Variants in ARNT2 observed in about 807,000 individuals in gnomAD.
The protein encoded by ARNT2 is ARNT protein 2.
In ARNT2, 36 loss-of-function variants were observed where a neutral mutation model predicts 91.7. The ratio of observed to expected loss-of-function variants is 0.39; its 90% CI spans 0.30 to 0.52. The LOEUF (loss-of-function observed/expected upper bound fraction) is 0.52. Among genes scored for constraint, ARNT2 ranks in the 20% least tolerant of loss-of-function variants. ARNT2 has a pLI of 0.72. For synonymous variants in ARNT2, 365 were observed against 347.1 expected (o/e 1.05, Z -0.57); for missense variants, 775 against 939.3 (o/e 0.83, Z 2.29).
chr15:80,408,690 T>C (rs1015491069), intron 1 of ARNT2, among the ~76,000 whole-genome samples: 1 of 152,160 alleles, frequency 6.6e-6, no homozygotes, highest in African/African-American at 2.4e-5. Context: ...TTGAGCCCAA[T>C]TTCTCTATAT....
chr15:80,571,472 G>A (rs1898582449), intron 12 of ARNT2, among the ~76,000 whole-genome samples: 1 of 152,230 alleles, frequency 6.6e-6, no homozygotes, highest in South Asian at 2.1e-4. Flanking sequence ...ACCACACACA[G>A]TTGGTGCACC....
chr15:80,562,047 A>G (rs1460291254), intron 11 of ARNT2, among the ~76,000 whole-genome samples: 1 of 150,966 alleles, frequency 6.6e-6, no homozygotes, highest in Non-Finnish European at 1.5e-5. Context: ...ATAAGGGGGC[A>G]CTGCTATATA....
At chr15:80,574,592 G>C (rs1268133621) in intron 13 of ARNT2, among the ~76,000 whole-genome samples, 3 of 152,168 alleles carry the variant, frequency 2.0e-5, no homozygotes, top group Admixed American at 6.5e-5. Context: ...CCTGTGTCCT[G>C]TTCTTCCTCA....
chr15:80,572,488 C>G lies in ARNT2; in HGVS notation c.1317-1660C>G, dbSNP rs140955094. The stretch of plus-strand genomic sequence containing the variant: ...ATCCTAGATAACAAAGGCTTCCTCT[C>G]CCACCCTCCCCTCTCTTCCTACCCA... On this transcript the variant is annotated intron_variant, in intron 12 of 18. Coordinates refer to ENST00000303329, the MANE Select transcript of ARNT2 (RefSeq NM_014862.4). Among the ~76,000 whole-genome samples the G allele has an allele frequency of 2.9e-3, 441 of 151,790 alleles. 3 individuals are homozygous for G. The highest frequency in any genetic ancestry group is 0.01 in the African/African-American group (422 of 41,354).
chr15:80,571,252 G>C (rs942350766), intron 12 of ARNT2, among the ~76,000 whole-genome samples: 1 of 152,226 alleles, frequency 6.6e-6, no homozygotes, highest in African/African-American at 2.4e-5. Context: ...AGACTGACCA[G>C]TTGCCTGTCA....
intron 12 of ARNT2, 119 bp from the exon 13 acceptor site, chr15:80,574,029 A>G (rs1278996806): frequency 4.0e-6 from 3 of 755,528 alleles, no homozygotes; most frequent in Admixed American, 2.1e-5. Context: ...ATGGAAAACA[A>G]TGTAGAGATC....
At chr15:80,430,725 C>G (rs1895995744) in intron 1 of ARNT2, among the ~76,000 whole-genome samples, 1 of 152,202 alleles carries the variant, frequency 6.6e-6, no homozygotes, top group South Asian at 2.1e-4. Flanking sequence ...GCCTTAGTGA[C>G]AGAGAAGTAA....
At chr15:80,505,947 T>TTTTTTTTTG (rs1897269038) in intron 5 of ARNT2, among the ~76,000 whole-genome samples, 1 of 121,166 alleles carries the variant, frequency 8.3e-6, no homozygotes, top group African/African-American at 3.0e-5. Context: ...TTTTTTTTTT[T>TTTTTTTTTG]GAGACGGAGT....
intron 3 of ARNT2, among the ~76,000 whole-genome samples, chr15:80,460,607 C>T (rs143890067): frequency 3.3e-5 from 5 of 152,344 alleles, no homozygotes; most frequent in Non-Finnish European, 7.3e-5. Flanking sequence ...ATATGCAGAA[C>T]ATGGCTCTGC....
chr15:80,491,309 C>T (rs113992944), intron 5 of ARNT2, among the ~76,000 whole-genome samples: 218 of 152,236 alleles, frequency 1.4e-3, no homozygotes, highest in Middle Eastern at 6.8e-3. Context: ...GAACAAGTCA[C>T]GACTTACATG....
At chr15:80,414,285 C>G (rs1895745339) in intron 1 of ARNT2, among the ~76,000 whole-genome samples, 1 of 152,168 alleles carries the variant, frequency 6.6e-6, no homozygotes, top group African/African-American at 2.4e-5. Context: ...AAGGATGCTG[C>G]TAAACATCCT....
At chr15:80,447,471 T>C (rs1896323132) in intron 1 of ARNT2, among the ~76,000 whole-genome samples, 1 of 152,238 alleles carries the variant, frequency 6.6e-6, no homozygotes, top group African/African-American at 2.4e-5. Context: ...ATCAACTGGC[T>C]TGCAGGGCTG....
intron 18 of ARNT2, 31 bp from the exon 19 acceptor site, chr15:80,593,569 C>T: frequency 6.5e-7 from 1 of 1,533,836 alleles, no homozygotes; most frequent in Non-Finnish European, 8.9e-7. Context: ...GAGCTGACTC[C>T]CCTGTGGCTC....
chr15:80,448,675 G>T (rs1472347984), intron 1 of ARNT2, among the ~76,000 whole-genome samples: 1 of 152,158 alleles, frequency 6.6e-6, no homozygotes, highest in Non-Finnish European at 1.5e-5. Context: ...CAGGAATGAG[G>T]TAATGGCTTT....
chr15:80,567,362 G>C (rs1271686278), intron 12 of ARNT2, among the ~76,000 whole-genome samples: 1 of 150,944 alleles, frequency 6.6e-6, no homozygotes, highest in East Asian at 1.9e-4. Flanking sequence ...TCAAGCCATA[G>C]CTTTGTCCCA....
chr15:80,541,147 A>G (rs74996417), intron 8 of ARNT2, among the ~76,000 whole-genome samples: 1,797 of 152,280 alleles, frequency 0.012, 38 homozygotes, highest in African/African-American at 0.042. Context: ...CTTTGCCAGC[A>G]TCTGTTGTTT....
Position 80,565,537 on chromosome 15 carries a change from TG to T in ARNT2, c.1316+2299del, listed in dbSNP as rs536482590. 6.0e-3 allele frequency among the ~76,000 whole-genome samples: 816 copies of T among 135,730 alleles called. 5 individuals are homozygous for T. The highest frequency in any genetic ancestry group is 0.01 in the Non-Finnish European group (630 of 61,562). 89.0% of individuals were successfully genotyped at this position (135,730 alleles called of 152,430 possible). A position where few individuals can be genotyped will look rare whatever the true frequency, so the allele number is the denominator to read the frequency against. ...CAGCATCTGTTTTTGTTTTTGTTAT[TG>T]TTTTTTTTTTTTTACTTTTTACTAA... is the stretch of plus-strand genomic sequence containing the variant. On this transcript the variant is annotated intron_variant, in intron 12 of 18. Coordinates refer to ENST00000303329, the MANE Select transcript of ARNT2 (RefSeq NM_014862.4).
At chr15:80,501,643 C>T (rs185417728) in intron 5 of ARNT2, among the ~76,000 whole-genome samples, 2 of 152,352 alleles carry the variant, frequency 1.3e-5, no homozygotes, top group Admixed American at 6.5e-5. Context: ...CAGGGGCTAA[C>T]TCCCGGTCTC....
At chr15:80,472,316 A>G (rs182449660) in intron 4 of ARNT2, among the ~76,000 whole-genome samples, 4 of 152,310 alleles carry the variant, frequency 2.6e-5, no homozygotes, top group South Asian at 4.1e-4. Flanking sequence ...GAAAGGAGCC[A>G]CAAAAAATAC....
Sources: gnomAD v4.1 joint callset for allele counts (sites outside exome capture counted in the v4.1 genomes callset) on GRCh38, gnomAD v4.1.1 for gene constraint, MANE v1.5 for transcripts, NCBI Gene and HGNC (gene_info 2026-07-23, HGNC 2026-07-21) for gene names.